Variants in MUTYH observed in about 807,000 individuals in gnomAD.
MUTYH encodes adenine DNA glycosylase.
A neutral mutation model predicts 72.9 loss-of-function variants in MUTYH; 64 were observed. The ratio of observed to expected loss-of-function variants is 0.88; its 90% confidence interval spans 0.72 to 1.08. The LOEUF (loss-of-function observed/expected upper bound fraction) is 1.08. MUTYH is among the 50% of genes least tolerant of loss of function. The pLI is 0.00. For synonymous variants in MUTYH, 234 were observed against 263.1 expected, an observed-to-expected ratio of 0.89 and a Z score of 1.07; for missense variants, 633 against 671.0, an observed-to-expected ratio of 0.94 and a Z score of 0.63.
chr1:45,333,987 A>G (rs955914593), intron 2 of MUTYH: 3 of 374,828 alleles, frequency 8.0e-6, no homozygotes, highest in Admixed American at 4.2e-5. Flanking sequence ...ACAGCAATAC[A>G]GTCAGAATTA....
Position 45,332,232 on chromosome 1 carries a change from C to T in MUTYH, c.783G>A (p.Val261=), listed in dbSNP as rs749815703. Residue 261 remains valine, a synonymous_variant, in exon 10 of 16, where the codon GTG becomes GTA. Transcript: ENST00000456914. Reference sequence around the variant, plus strand: ...TGCACAGTGGGCGCTGTGGGGTACACACTGTGGCCCCTAGCTCCATGGCTG... The same window carrying T: ...TGCACAGTGGGCGCTGTGGGGTACATACTGTGGCCCCTAGCTCCATGGCTG... ...NQAAMELGAT[V]CTPQRPLCSQ... 2.5e-6 allele frequency: 4 copies of T among 1,614,178 alleles called. No individual in the cohort carries two copies. The highest frequency in any genetic ancestry group is 2.2e-5 in the East Asian group (1 of 44,886).
At chr1:45,337,443 C>A (rs1308774749) in intron 1 of MUTYH, among the ~76,000 whole-genome samples, 2 of 152,170 alleles carry the variant, frequency 1.3e-5, no homozygotes, top group Non-Finnish European at 2.9e-5. Context: ...AGGCATGAGC[C>A]ACGGCGCCTG....
chr1:45,331,039 A>T, intron 14 of MUTYH, 143 bp downstream of exon 14: 1 of 1,107,488 alleles, frequency 9.0e-7, no homozygotes, highest in Non-Finnish European at 1.3e-6. Context: ...CAACCGAGAT[A>T]GCGCCATTGC....
At position 45,331,350 on chromosome 1, in the gene MUTYH, A is replaced by T. The variant is rs1553125359; in HGVS notation, c.1240-16T>A. ...TGTGGACAACCTGGAGGAAGGGTCA[A>T]GGGGTTCAAATAGGCCTGTGGATAT... On this transcript the variant is annotated splice_polypyrimidine_tract_variant and intron_variant, in intron 13 of 15. Transcript: ENST00000456914. The T allele has an allele frequency of 6.2e-7, 1 of 1,614,206 alleles. No homozygotes were observed. The highest frequency in any genetic ancestry group is 8.5e-7 in the Non-Finnish European group (1 of 1,180,036).
At chr1:45,338,231 G>A (rs1646229505) in intron 1 of MUTYH, 2 of 531,598 alleles carry the variant, frequency 3.8e-6, no homozygotes, top group Non-Finnish European at 7.3e-6. Flanking sequence ...CTTGCTCTTA[G>A]AAGGCAGTCC....
chr1:45,332,834 C>T lies in MUTYH; in HGVS notation c.421G>A (p.Glu141Lys), dbSNP rs1553129083. 1 of 1,614,228 alleles carries T rather than the reference C, an allele frequency of 6.2e-7. No individual in the cohort carries two copies. The change falls in exon 7 of 16, where the codon GAG (glutamate) becomes AAG (lysine). Residue 141 changes from glutamate to lysine, a missense_variant and splice_region_variant. Physicochemically the swap from Glu to Lys is moderately conservative, Grantham distance 56 (BLOSUM62 1). Transcript: ENST00000456914. ...LQDLASASLEEVNQLWAGLGY... is the reference protein window; with the variant it reads ...LQDLASASLEKVNQLWAGLGY... ...AGGCCAGCCCAGAGTTGATTCACCT[C>T]CTGTGGGTAGGATCAGAGGTCAAAG...
In MUTYH at chr1:45,333,181, G is replaced by C. The variant is rs1488458340; in HGVS notation, c.305-11C>G. On this transcript the variant is annotated splice_polypyrimidine_tract_variant and intron_variant, in intron 4 of 15. Coordinates refer to ENST00000456914, the MANE Select transcript of MUTYH (RefSeq NM_001048174.2). ...CCTCTGAGACCCACACTGGGGGAAA[G>C]GGGTTGGCATGAGGACACTGCTGAC... The C allele has an allele frequency of 1.9e-6, 3 of 1,614,116 alleles. No individual in the cohort carries two copies. The African/African-American group carries it at 4.0e-5, about 22-fold the overall frequency.
rs1060501326 is a variant in MUTYH at position 45,331,460 on chromosome 1, G to A, written c.1199C>T (p.Ala400Val). 3 of 1,614,056 alleles carry A rather than the reference G, an allele frequency of 1.9e-6. No homozygotes were observed. The highest frequency in any genetic ancestry group is 1.7e-5 in the Admixed American group (1 of 60,008). The change falls in exon 13 of 16, where the codon GCT becomes GTT. Residue 400 changes from alanine (A) to valine (V), a missense_variant. Physicochemically the swap from Ala to Val is moderately conservative, Grantham distance 64. Transcript: ENST00000456914. ...KALLQELQRW[A>V]GPLPATHLRH... is the part of the protein sequence containing the mutation. The stretch of plus-strand genomic sequence containing the variant: ...GAGGTGCGTGGCTGGGAGGGGCCCA[G>A]CCCAACGCTGTAGTTCCTGCAGCAG...
At chr1:45,337,512 TTTCC>T (rs1313701646) in intron 1 of MUTYH, among the ~76,000 whole-genome samples, 1 of 152,052 alleles carries the variant, frequency 6.6e-6, no homozygotes, top group East Asian at 1.9e-4. Context: ...TCCCTCCCTC[TTTCC>T]TTCCTTCCTT....
Position 45,329,472 on chromosome 1 carries a change from TGGG to T in MUTYH, c.1435-38_1435-36del, listed in dbSNP as rs1389224524. 5.0e-6 allele frequency: 8 copies of T among 1,612,580 alleles called. No homozygotes were observed. The African/African-American group carries it at 8.0e-5, about 16-fold the overall frequency. On this transcript the variant is annotated intron_variant, in intron 15 of 15. Coordinates refer to ENST00000456914, the MANE Select transcript of MUTYH (RefSeq NM_001048174.2). ...AATGGAAGGAGGGAGGCCTTGTAGT[TGGG>T]GGAGGGGGAGCAGAGAATCCTCTCC... is the stretch of plus-strand genomic sequence containing the variant.
At chr1:45,338,970 T>A (rs1411673908) in intron 1 of MUTYH, among the ~76,000 whole-genome samples, 1 of 152,092 alleles carries the variant, frequency 6.6e-6, no homozygotes, top group East Asian at 1.9e-4. Flanking sequence ...TTTCACTATG[T>A]TGCCCAGGCT....
chr1:45,337,863 A>G (rs1646141207), intron 1 of MUTYH, among the ~76,000 whole-genome samples: 1 of 152,256 alleles, frequency 6.6e-6, no homozygotes, highest in South Asian at 2.1e-4. Flanking sequence ...TTATATTCTA[A>G]TGGGGACAGA....
In MUTYH at chr1:45,331,732, G is replaced by A. The variant is rs763862261; in HGVS notation, c.1031C>T (p.Ser344Phe). Residue 344 changes from serine to phenylalanine, a missense_variant, in exon 12 of 16, where the codon TCT (serine) becomes TTT (phenylalanine). Ser to Phe is a radical substitution (Grantham distance 155, BLOSUM62 -2). Transcript: ENST00000456914. ...ASRKPPREESSATCVLEQPGA... is the reference protein window; with the variant it reads ...ASRKPPREESFATCVLEQPGA... The stretch of plus-strand genomic sequence containing the variant: ...AGGCTGTTCCAGAACACAGGTGGCA[G>A]AGCTCTCCTCCCTGGGGGGCTTGCG... 6.2e-7 allele frequency: 1 copy of A among 1,614,200 alleles called. No homozygotes were observed. The highest frequency in any genetic ancestry group is 2.2e-5 in the East Asian group (1 of 44,890).
Position 45,332,396 on chromosome 1 carries a change from C to T in MUTYH, c.699G>A (p.Gln233=), listed in dbSNP as rs765339120. ...ADPSSTLVSQ[Q]LWGLAQQLVD... ...TTGTTACCCCAACATCCTACCAGAG[C>T]TGCTGGGAAACAAGGGTGCTGCTGG... Residue 233 remains glutamine (Q), a synonymous_variant, in exon 9 of 16, where the codon CAG becomes CAA. Transcript: ENST00000456914. 1.2e-6 allele frequency: 2 copies of T among 1,614,158 alleles called. No homozygotes were observed. Among genetic ancestry groups the T allele is most frequent in the East Asian group, 2.2e-5 (1 of 44,888 alleles).
At chr1:45,333,044 G>A (rs1645250956) in intron 5 of MUTYH, 53 bp downstream of exon 5, 10 of 1,613,370 alleles carry the variant, frequency 6.2e-6, no homozygotes, top group Non-Finnish European at 8.5e-6. Flanking sequence ...CCAAAGTAGA[G>A]GCTCTCATCT....
intron 15 of MUTYH, chr1:45,329,768 C>T: frequency 6.1e-6 from 2 of 325,410 alleles, no homozygotes; most frequent in Non-Finnish European, 1.2e-5. Flanking sequence ...TCCTTGAGCA[C>T]TGCAGCCTGC....
At chr1:45,340,140 C>T (rs1646785870), upstream of MUTYH, 5 of 1,579,764 alleles carry the variant, frequency 3.2e-6, no homozygotes, top group Non-Finnish European at 4.3e-6. Context: ...TTCGACCCAT[C>T]GGCGACCCGA....
chr1:45,337,800 C>T (rs1646128644), intron 1 of MUTYH, among the ~76,000 whole-genome samples: 1 of 152,166 alleles, frequency 6.6e-6, no homozygotes, highest in South Asian at 2.1e-4. Context: ...CAGTTTTAGG[C>T]ACTTGGCATA....
At chr1:45,340,321 A>G, upstream of MUTYH, 1 of 1,609,712 alleles carries the variant, frequency 6.2e-7, no homozygotes, top group Non-Finnish European at 8.5e-7. Context: ...GGCTTCCCAG[A>G]GGTAGCCTTC....
Sources: allele counts gnomAD v4.1 joint callset (sites outside exome capture counted in the v4.1 genomes callset), GRCh38; gene constraint gnomAD v4.1.1; transcripts MANE v1.5; gene names NCBI Gene and HGNC (gene_info 2026-07-23, HGNC 2026-07-21).